The following CCDC60 variants were observed in gnomAD, a reference collection of about 807,000 sequenced individuals.
CCDC60 encodes coiled-coil domain containing 60.
CCDC60 carries 54 observed loss-of-function variants against 63.5 expected under a neutral mutation model. The ratio of observed to expected loss-of-function variants is 0.85; its 90% CI spans 0.68 to 1.07. CCDC60 has a LOEUF of 1.07. CCDC60 is among the 50% of genes least tolerant of loss of function. The pLI is 0.00. For missense variants in CCDC60, 651 were observed against 684.3 expected (o/e 0.95, Z 0.54); for synonymous variants, 206 against 238.8 (o/e 0.86, Z 1.27).
intron 1 of CCDC60, among the ~76,000 whole-genome samples, chr12:119,339,037 A>C (rs1349705359): frequency 2.0e-5 from 3 of 152,184 alleles, no homozygotes; most frequent in Non-Finnish European, 2.9e-5. Context: ...TATAAATAAC[A>C]TATGCAAATC....
chr12:119,395,935 T>C (rs1455902841), intron 1 of CCDC60, among the ~76,000 whole-genome samples: 1 of 149,500 alleles, frequency 6.7e-6, no homozygotes, highest in Non-Finnish European at 1.5e-5. Context: ...CCATCATGCA[T>C]CCTTTTCTTT....
chr12:119,534,865 G>A (rs1245486356), intron 13 of CCDC60, among the ~76,000 whole-genome samples: 1 of 152,178 alleles, frequency 6.6e-6, no homozygotes, highest in Non-Finnish European at 1.5e-5. Context: ...AGGGATATTG[G>A]TCTAAAAATT....
intron 1 of CCDC60, among the ~76,000 whole-genome samples, chr12:119,341,201 G>T (rs1419508458): frequency 6.6e-6 from 1 of 152,154 alleles, no homozygotes; most frequent in Non-Finnish European, 1.5e-5. Flanking sequence ...TGTGACAGTC[G>T]GCTCTTTTCC....
chr12:119,457,458 A>G (rs945590627), intron 2 of CCDC60, among the ~76,000 whole-genome samples: 20 of 152,254 alleles, frequency 1.3e-4, no homozygotes, highest in Non-Finnish European at 2.9e-5. Flanking sequence ...TACAATTAGC[A>G]AATGACCCAG....
At chr12:119,345,780 G>T (rs1353932924) in intron 1 of CCDC60, among the ~76,000 whole-genome samples, 1 of 151,594 alleles carries the variant, frequency 6.6e-6, no homozygotes, top group Non-Finnish European at 1.5e-5. Flanking sequence ...TCACTATCTG[G>T]CTGTATGACT....
In CCDC60 at chr12:119,455,018, A is replaced by C. The variant is rs1950698741; in HGVS notation, c.171-16976A>C. On this transcript the variant is annotated intron_variant, in intron 2 of 13. Coordinates refer to ENST00000327554, the MANE Select transcript of CCDC60 (RefSeq NM_178499.5). ...GTTACCCAGCTTGCCAATTTCCTTT[A>C]AAGAATTTTCCCAGAAGCCTCTTTA... 2.0e-5 allele frequency among the ~76,000 whole-genome samples: 3 copies of C among 152,374 alleles called. No individual in the cohort carries two copies. The South Asian group carries it at 6.2e-4, about 32-fold the overall frequency.
chr12:119,344,961 C>T (rs1955575743), intron 1 of CCDC60, among the ~76,000 whole-genome samples: 1 of 151,842 alleles, frequency 6.6e-6, no homozygotes, highest in South Asian at 2.1e-4. Flanking sequence ...CCTTCCCTGG[C>T]CACCACCTCC....
At chr12:119,444,650 G>A (rs530952792) in intron 2 of CCDC60, among the ~76,000 whole-genome samples, 2 of 152,298 alleles carry the variant, frequency 1.3e-5, no homozygotes, top group African/African-American at 4.8e-5. Context: ...GCCACAAGGT[G>A]GCGCTGTACA....
chr12:119,530,936 T>C lies in CCDC60; in HGVS notation c.1424T>C (p.Ile475Thr). 1.2e-6 allele frequency: 2 copies of C among 1,614,146 alleles called. No homozygotes were observed. The highest frequency in any genetic ancestry group is 1.7e-6 in the Non-Finnish European group (2 of 1,179,998). ...DLKNFRPAKK[I>T]LVKLQKFGEN... The stretch of plus-strand genomic sequence containing the variant: ...AAGAACTTCCGCCCCGCCAAAAAGA[T>C]CCTGGTGAAACTGCAGAAGTTTGGA... Residue 475 changes from isoleucine to threonine, a missense_variant, in exon 13 of 14, where the codon ATC becomes ACC. Ile to Thr is a moderately conservative substitution (Grantham distance 89, BLOSUM62 -1). Coordinates refer to ENST00000327554, the MANE Select transcript of CCDC60 (RefSeq NM_178499.5).
chr12:119,390,429 T>A (rs1370452362), intron 1 of CCDC60, among the ~76,000 whole-genome samples: 2 of 152,222 alleles, frequency 1.3e-5, no homozygotes, highest in African/African-American at 4.8e-5. Flanking sequence ...ATTCTATACA[T>A]CACATCTCTC....
intron 13 of CCDC60, among the ~76,000 whole-genome samples, chr12:119,534,848 G>A (rs1423292378): frequency 1.3e-5 from 2 of 152,146 alleles, no homozygotes; most frequent in Admixed American, 6.6e-5. Flanking sequence ...TCACATCGAT[G>A]TTCATCAGGG....
intron 1 of CCDC60, among the ~76,000 whole-genome samples, chr12:119,417,578 C>T (rs1249568826): frequency 6.6e-6 from 1 of 152,112 alleles, no homozygotes; most frequent in Non-Finnish European, 1.5e-5. Flanking sequence ...GCTCTGTCCC[C>T]CTAGTTATTT....
chr12:119,531,486 C>T (rs996276713), intron 13 of CCDC60, among the ~76,000 whole-genome samples: 1 of 152,090 alleles, frequency 6.6e-6, no homozygotes, highest in African/African-American at 2.4e-5. Context: ...GTTTGAGAAG[C>T]CCCGTATGTA....
intron 1 of CCDC60, among the ~76,000 whole-genome samples, chr12:119,359,387 C>T (rs1480425192): frequency 6.6e-6 from 1 of 152,118 alleles, no homozygotes; most frequent in Non-Finnish European, 1.5e-5. Context: ...GTTTTAAATA[C>T]ACCAAGACCC....
intron 1 of CCDC60, among the ~76,000 whole-genome samples, chr12:119,387,034 T>TCTCTCACACACACA (rs543330015): frequency 1.0e-4 from 11 of 105,450 alleles, no homozygotes; most frequent in South Asian, 4.2e-4. Context: ...TCTGTCTCTC[T>TCTCTCACACACACA]CACACACACA....
chr12:119,340,157 T>C (rs979782712), intron 1 of CCDC60, among the ~76,000 whole-genome samples: 1 of 152,192 alleles, frequency 6.6e-6, no homozygotes, highest in Admixed American at 6.5e-5. Context: ...TGTCTCAGTT[T>C]CAGAGGTATT....
chr12:119,451,199 A>G (rs918927101), intron 2 of CCDC60, among the ~76,000 whole-genome samples: 2 of 152,258 alleles, frequency 1.3e-5, no homozygotes, highest in Admixed American at 1.3e-4. Context: ...CAAGATGTAC[A>G]TCTGCACCTT....
At chr12:119,400,201 C>T (rs1413025588) in intron 1 of CCDC60, among the ~76,000 whole-genome samples, 1 of 152,160 alleles carries the variant, frequency 6.6e-6, no homozygotes, top group Non-Finnish European at 1.5e-5. Flanking sequence ...AGGCGCCAGC[C>T]ACCACGCCCG....
At chr12:119,454,979 G>A (rs568686310) in intron 2 of CCDC60, among the ~76,000 whole-genome samples, 1 of 152,298 alleles carries the variant, frequency 6.6e-6, no homozygotes, top group East Asian at 1.9e-4. Flanking sequence ...TGAAAAAGGG[G>A]CTAACGGGCA....
Sources: allele counts gnomAD v4.1 joint callset (sites outside exome capture counted in the v4.1 genomes callset), GRCh38; gene constraint gnomAD v4.1.1; transcripts MANE v1.5; gene names NCBI Gene and HGNC (gene_info 2026-07-23, HGNC 2026-07-21).